Variants in MED15 observed in about 807,000 individuals in gnomAD.
MED15 encodes mediator of RNA polymerase II transcription subunit 15.
Under a neutral mutation model 118.7 loss-of-function variants are expected in MED15, and 41 were observed. The observed-to-expected ratio is 0.35, with a 90% CI of 0.27 to 0.45. The LOEUF (loss-of-function observed/expected upper bound fraction) is 0.45. Ranked by LOEUF, MED15 falls within the 20% of genes least tolerant of loss-of-function variation. The pLI is 1.00. For synonymous variants in MED15, 436 were observed against 413.9 expected, an observed-to-expected ratio of 1.05 and a Z score of -0.65; for missense variants, 740 against 1,025.5, an observed-to-expected ratio of 0.72 and a Z score of 3.80.
chr22:20,510,258 C>T (rs777050023), intron 1 of MED15, among the ~76,000 whole-genome samples: 5 of 152,124 alleles, frequency 3.3e-5, no homozygotes, highest in African/African-American at 7.2e-5. Flanking sequence ...TGATGGCGCA[C>T]ACCTGTAGTC....
chr22:20,585,393 G>A (rs1225145565), intron 16 of MED15, 126 bp downstream of exon 16: 13 of 1,277,522 alleles, frequency 1.0e-5, no homozygotes, highest in South Asian at 2.8e-5. Context: ...CCGCCAGGCT[G>A]TCTGCTCTAT....
At chr22:20,525,711 T>A (rs887440422) in intron 1 of MED15, among the ~76,000 whole-genome samples, 3 of 151,552 alleles carry the variant, frequency 2.0e-5, no homozygotes, top group African/African-American at 4.9e-5. Context: ...TAATTTTGTA[T>A]TTTTAGTAGA....
At chr22:20,559,918 G>A (rs566622429) in intron 5 of MED15, among the ~76,000 whole-genome samples, 19 of 152,246 alleles carry the variant, frequency 1.2e-4, no homozygotes, top group South Asian at 6.2e-4. Flanking sequence ...GAAAAGAAAC[G>A]TTGAGCATAG....
intron 1 of MED15, among the ~76,000 whole-genome samples, chr22:20,513,036 G>A (rs1398720870): frequency 6.6e-6 from 1 of 151,802 alleles, no homozygotes; most frequent in African/African-American, 2.4e-5. Context: ...CACCACGCCC[G>A]GCCGGGTCAC....
intron 2 of MED15, among the ~76,000 whole-genome samples, chr22:20,540,987 G>A (rs552422906): frequency 1.3e-5 from 2 of 152,214 alleles, no homozygotes; most frequent in South Asian, 4.1e-4. Flanking sequence ...CCAGCACTTT[G>A]GGAGGCCGAG....
chr22:20,538,798 C>A lies in MED15; in HGVS notation c.156+1594C>A, dbSNP rs146170833. On this transcript the variant is annotated intron_variant, in intron 2 of 17. Transcript: ENST00000263205. ...CACTGCAACCTCCGCCTACCAGGTT[C>A]AAGCGATTCTTCCGCCTCAGCCTCC... 2.8e-3 allele frequency among the ~76,000 whole-genome samples: 425 copies of A among 152,176 alleles called. 3 individuals carry two copies. The highest frequency in any genetic ancestry group is 0.01 in the Middle Eastern group (3 of 294).
chr22:20,570,918 C>G (rs962631626), intron 8 of MED15, among the ~76,000 whole-genome samples: 2 of 151,770 alleles, frequency 1.3e-5, no homozygotes, highest in African/African-American at 4.8e-5. Flanking sequence ...GCATGCGCCA[C>G]TATATCCAGC....
At chr22:20,527,132 C>T (rs1044523990) in intron 1 of MED15, among the ~76,000 whole-genome samples, 7 of 151,984 alleles carry the variant, frequency 4.6e-5, no homozygotes, top group African/African-American at 1.7e-4. Context: ...CCAAGTCCTG[C>T]TCTACTTGGG....
chr22:20,583,508 C>T (rs1332008760), intron 13 of MED15, 115 bp downstream of exon 13: 7 of 1,277,606 alleles, frequency 5.5e-6, no homozygotes, highest in Non-Finnish European at 4.5e-6. Flanking sequence ...TCTTTGGACC[C>T]TGGCCAGAGG....
intron 6 of MED15, among the ~76,000 whole-genome samples, chr22:20,565,508 T>A (rs1251788724): frequency 6.6e-6 from 1 of 152,226 alleles, no homozygotes; most frequent in African/African-American, 2.4e-5. Context: ...ATGGTTTCCA[T>A]AGAGAGTCTA....
At position 20,565,538 on chromosome 22, in the gene MED15, C is replaced by G. The variant is rs115944361; in HGVS notation, c.690+850C>G. On this transcript the variant is annotated intron_variant, in intron 6 of 17. Coordinates refer to ENST00000263205, the MANE Select transcript of MED15 (RefSeq NM_001003891.3). The stretch of plus-strand genomic sequence containing the variant: ...AGTCTAGACGTGTTAAACATCTGCC[C>G]TCACAGCAGGTCTTGGTTGGGAGAG... 2.2e-3 allele frequency among the ~76,000 whole-genome samples: 330 copies of G among 152,326 alleles called. 1 individual carries two copies. The highest frequency in any genetic ancestry group is 7.4e-3 in the African/African-American group (308 of 41,558).
intron 9 of MED15, among the ~76,000 whole-genome samples, chr22:20,578,604 AAG>A (rs1179218765): frequency 3.9e-5 from 6 of 152,226 alleles, no homozygotes; most frequent in Non-Finnish European, 4.4e-5. Context: ...TTCCGAGAAA[AAG>A]AGAGCTTATC....
intron 14 of MED15, 59 bp downstream of exon 14, chr22:20,584,484 G>T: frequency 6.3e-7 from 1 of 1,581,554 alleles, no homozygotes; most frequent in Non-Finnish European, 8.7e-7. Flanking sequence ...GCTCCTGGGA[G>T]TGCTGCTGAG....
At chr22:20,572,569 CA>C (rs1427671451) in intron 8 of MED15, among the ~76,000 whole-genome samples, 1 of 152,188 alleles carries the variant, frequency 6.6e-6, no homozygotes, top group Non-Finnish European at 1.5e-5. Flanking sequence ...CTGAGAAGGG[CA>C]ATGTCACCCA....
chr22:20,547,653 A>T (rs181236855), intron 2 of MED15, among the ~76,000 whole-genome samples: 4 of 152,004 alleles, frequency 2.6e-5, no homozygotes, highest in Admixed American at 2.6e-4. Flanking sequence ...CCCCGTCTCC[A>T]CTAAAAAATA....
Position 20,585,714 on chromosome 22 carries a change from C to CT in MED15, c.2132-12dup, listed in dbSNP as rs1284424526. The CT allele has an allele frequency of 6.2e-7, 1 of 1,610,250 alleles. No individual in the cohort carries two copies. Among genetic ancestry groups the CT allele is most frequent in the South Asian group, 1.1e-5 (1 of 91,034 alleles). ...GGCTTGTCCAGGTCACAGATAGAGCCTTCTGTGTTGCAGATGACAAGGACC... is the reference window on the plus strand; with the variant it reads ...GGCTTGTCCAGGTCACAGATAGAGCCTTTCTGTGTTGCAGATGACAAGGACC... On this transcript the variant is annotated splice_polypyrimidine_tract_variant and intron_variant, in intron 16 of 17. Coordinates refer to ENST00000263205, the MANE Select transcript of MED15 (RefSeq NM_001003891.3).
chr22:20,558,773 A>AAGCAGGTGCAGATTGG (rs1315665834), intron 5 of MED15, among the ~76,000 whole-genome samples: 1 of 152,122 alleles, frequency 6.6e-6, no homozygotes, highest in African/African-American at 2.4e-5. Context: ...TACCCCCCAG[A>AAGCAGGTGCAGATTGG]AGCAGGTGCA....
chr22:20,521,079 AGTT>A (rs968838532), intron 1 of MED15, among the ~76,000 whole-genome samples: 6 of 134,616 alleles, frequency 4.5e-5, no homozygotes, highest in Non-Finnish European at 7.9e-5. Context: ...CACAGGCAGC[AGTT>A]GTTCTATTTT....
Position 20,554,924 on chromosome 22 carries a change from G to A in MED15, c.239-12G>A, listed in dbSNP as rs1415543025. On this transcript the variant is annotated splice_polypyrimidine_tract_variant and intron_variant, in intron 4 of 17. Coordinates refer to ENST00000263205, the MANE Select transcript of MED15 (RefSeq NM_001003891.3). ...CCCTTTCCTGAGAAGCTCTGCCCTT[G>A]TGTTCCCACAGATCCTATGAATGCA... The A allele has an allele frequency of 1.9e-6, 3 of 1,592,292 alleles. No individual in the cohort carries two copies. The South Asian group carries it at 3.4e-5, about 18-fold the overall frequency.
Sources: gnomAD v4.1 joint callset for allele counts (sites outside exome capture counted in the v4.1 genomes callset) on GRCh38, gnomAD v4.1.1 for gene constraint, MANE v1.5 for transcripts, NCBI Gene and HGNC (gene_info 2026-07-23, HGNC 2026-07-21) for gene names.